The following FHL5 variants were observed in gnomAD, a reference collection of about 807,000 sequenced individuals.
FHL5 encodes the protein four and a half LIM domains protein 5.
FHL5 carries 33 observed loss-of-function variants against 32.0 expected under a neutral mutation model. The observed-to-expected ratio is 1.03, with a 90% CI of 0.78 to 1.38. FHL5 has a LOEUF of 1.38. Ranked by LOEUF, FHL5 falls within the 40% of genes most tolerant of loss-of-function variation. The pLI is 0.00. For missense variants in FHL5, 336 were observed against 343.9 expected (o/e 0.98, Z 0.18); for synonymous variants, 114 against 113.6 (o/e 1.00, Z -0.02).
At chr6:96,609,041 T>C (rs1771342744) in intron 4 of FHL5, among the ~76,000 whole-genome samples, 1 of 152,248 alleles carries the variant, frequency 6.6e-6, no homozygotes, top group Admixed American at 6.5e-5. Context: ...TATTTTAAAT[T>C]GCTTTACTTC....
In FHL5 at chr6:96,567,110, C is replaced by G. The variant is rs369482769; in HGVS notation, c.-13+3755C>G. Reference sequence around the variant, plus strand: ...CCCCTATGTTTGCTTCTAGTTGCTTCATAGATTCAGGTCTTATATTTAAGT... The same window carrying G: ...CCCCTATGTTTGCTTCTAGTTGCTTGATAGATTCAGGTCTTATATTTAAGT... On this transcript the variant is annotated intron_variant, in intron 1 of 5. Coordinates refer to ENST00000450218, the MANE Select transcript of FHL5 (RefSeq NM_001322466.2). 7.2e-5 allele frequency among the ~76,000 whole-genome samples: 11 copies of G among 151,964 alleles called. 1 individual carries two copies. The highest frequency in any genetic ancestry group is 2.2e-4 in the African/African-American group (9 of 41,540).
chr6:96,592,724 C>T (rs1770947549), intron 1 of FHL5, among the ~76,000 whole-genome samples: 1 of 152,160 alleles, frequency 6.6e-6, no homozygotes, highest in Admixed American at 6.6e-5. Context: ...AATAAATGTC[C>T]ATGAAATCTT....
At chr6:96,591,161 T>C (rs1770907230) in intron 1 of FHL5, among the ~76,000 whole-genome samples, 4 of 152,150 alleles carry the variant, frequency 2.6e-5, no homozygotes, top group Admixed American at 2.6e-4. Context: ...TGTTATTTCT[T>C]CTTTAAAGCT....
chr6:96,611,377 T>A (rs911828117), intron 5 of FHL5, among the ~76,000 whole-genome samples: 7 of 148,542 alleles, frequency 4.7e-5, no homozygotes, highest in Non-Finnish European at 1.0e-4. Context: ...GAAAAAAAAA[T>A]GTGACATGAT....
At chr6:96,598,539 T>C (rs1272407927) in intron 1 of FHL5, among the ~76,000 whole-genome samples, 1 of 152,222 alleles carries the variant, frequency 6.6e-6, no homozygotes, top group Non-Finnish European at 1.5e-5. Context: ...TCCTTCCTCC[T>C]TCTTTAAGGG....
intron 5 of FHL5, among the ~76,000 whole-genome samples, chr6:96,611,823 T>C (rs1298596802): frequency 2.0e-5 from 3 of 152,154 alleles, no homozygotes; most frequent in Non-Finnish European, 4.4e-5. Context: ...AAAAACAGCA[T>C]GGTCTTATTT....
At chr6:96,611,528 C>T (rs1046353764) in intron 5 of FHL5, among the ~76,000 whole-genome samples, 4 of 152,172 alleles carry the variant, frequency 2.6e-5, no homozygotes, top group Non-Finnish European at 4.4e-5. Flanking sequence ...TTGAGAAACT[C>T]AGCAGCTATT....
intron 3 of FHL5, among the ~76,000 whole-genome samples, chr6:96,605,274 C>G (rs774443981): frequency 6.6e-6 from 1 of 152,150 alleles, no homozygotes; most frequent in Non-Finnish European, 1.5e-5. Flanking sequence ...TCATCATAGG[C>G]GATTGGGGCC....
chr6:96,609,558 T>C (rs1427695012), intron 4 of FHL5, among the ~76,000 whole-genome samples: 2 of 152,222 alleles, frequency 1.3e-5, no homozygotes, highest in African/African-American at 4.8e-5. Flanking sequence ...ACTAATTACA[T>C]CTCAGGCAAA....
rs147868458 is a variant in FHL5 at position 96,566,357 on chromosome 6, C to T, written c.-13+3002C>T. 3.7e-3 allele frequency among the ~76,000 whole-genome samples: 559 copies of T among 152,052 alleles called. 3 individuals carry two copies. Among genetic ancestry groups the T allele is most frequent in the African/African-American group, 0.013 (527 of 41,516 alleles). Reference sequence around the variant, plus strand: ...TGTTCTTTTTTACAACTAAATAATACTTCATTGGGATATATAGCACTTTTT... The same window carrying T: ...TGTTCTTTTTTACAACTAAATAATATTTCATTGGGATATATAGCACTTTTT... On this transcript the variant is annotated intron_variant, in intron 1 of 5. Coordinates refer to ENST00000450218, the MANE Select transcript of FHL5 (RefSeq NM_001322466.2).
In FHL5 at chr6:96,616,647, A is replaced by G. The variant is rs1357457223; in HGVS notation, c.*875A>G. 3 of 152,238 alleles carry G rather than the reference A, an allele frequency of 2.0e-5. No individual in the cohort carries two copies. 9.4% of individuals were successfully genotyped at this position (152,238 alleles called of 1,614,324 possible). On this transcript the variant is annotated 3_prime_UTR_variant, in exon 6 of 6. Transcript: ENST00000450218. ...AGATCATTAAATCTTCACTTGTGGA[A>G]ATGAGTTTTAGGGAAGGGATTGAGT...
At chr6:96,592,121 C>T (rs562310169) in intron 1 of FHL5, among the ~76,000 whole-genome samples, 1 of 152,048 alleles carries the variant, frequency 6.6e-6, no homozygotes. Context: ...TTGAGAGCAA[C>T]CTGTCTGACC....
intron 5 of FHL5, among the ~76,000 whole-genome samples, chr6:96,615,385 C>A (rs1377882283): frequency 1.3e-5 from 2 of 152,154 alleles, no homozygotes; most frequent in South Asian, 2.1e-4. Flanking sequence ...TTGATTATGG[C>A]AGAATTTGGC....
chr6:96,599,618 T>A (rs1477875035), intron 1 of FHL5, among the ~76,000 whole-genome samples: 2 of 152,238 alleles, frequency 1.3e-5, no homozygotes, highest in Admixed American at 1.3e-4. Flanking sequence ...GTCTTCATTA[T>A]GTTCTTTGAT....
chr6:96,573,003 T>G (rs1040968987), intron 1 of FHL5, among the ~76,000 whole-genome samples: 2 of 152,132 alleles, frequency 1.3e-5, no homozygotes, highest in African/African-American at 4.8e-5. Context: ...CTTGCTGCTA[T>G]CTCTCTGACC....
intron 1 of FHL5, among the ~76,000 whole-genome samples, chr6:96,591,946 AGG>A (rs1213227595): frequency 6.6e-6 from 1 of 152,128 alleles, no homozygotes; most frequent in African/African-American, 2.4e-5. Context: ...GTGTACGAAT[AGG>A]GTGTGGGTCA....
At chr6:96,608,595 G>A (rs1771333357) in intron 4 of FHL5, among the ~76,000 whole-genome samples, 1 of 152,116 alleles carries the variant, frequency 6.6e-6, no homozygotes, top group Admixed American at 6.5e-5. Context: ...CTGCCAGAAA[G>A]CAAATGATTT....
rs1582486750 is a variant in FHL5, at chr6:96,617,758, T to C, written c.*1986T>C. Among the ~76,000 whole-genome samples the C allele has an allele frequency of 1.3e-5, 2 of 152,218 alleles. No homozygotes were observed. Among genetic ancestry groups the C allele is most frequent in the African/African-American group, 2.4e-5 (1 of 41,460 alleles). ...GTTTTCTTAGTTAAACAATTGGAAA[T>C]GTTTAGGCATTTTACTGTGTGGGGG... On this transcript the variant is annotated 3_prime_UTR_variant, in exon 6 of 6. Coordinates refer to ENST00000450218, the MANE Select transcript of FHL5 (RefSeq NM_001322466.2).
At chr6:96,589,427 T>C (rs1274017266) in intron 1 of FHL5, among the ~76,000 whole-genome samples, 1 of 152,140 alleles carries the variant, frequency 6.6e-6, no homozygotes, top group Non-Finnish European at 1.5e-5. Flanking sequence ...TGCTAAATTA[T>C]CTTTCAGTGG....
Sources: allele counts gnomAD v4.1 joint callset (sites outside exome capture counted in the v4.1 genomes callset), GRCh38; gene constraint gnomAD v4.1.1; transcripts MANE v1.5; gene names NCBI Gene and HGNC (gene_info 2026-07-23, HGNC 2026-07-21).